Variants in DLC1 observed in about 807,000 individuals in gnomAD.
DLC1 encodes the protein DLC1 Rho GTPase activating protein.
In DLC1, 54 loss-of-function variants were observed where a neutral mutation model predicts 140.3. The observed-to-expected ratio is 0.38, with a 90% confidence interval of 0.31 to 0.48. DLC1 has a LOEUF of 0.48. Among genes scored for constraint, DLC1 ranks in the 20% least tolerant of loss-of-function variants. The pLI is 0.96. For synonymous variants in DLC1, 986 were observed against 728.1 expected (o/e 1.35, Z -5.70); for missense variants, 2,536 against 1,907.0 (o/e 1.33, Z -6.14).
chr8:13,144,663 G>A (rs1823285497), intron 5 of DLC1, among the ~76,000 whole-genome samples: 2 of 152,158 alleles, frequency 1.3e-5, no homozygotes. Context: ...TACTCGGGAG[G>A]CTGAGGCAGG....
chr8:13,175,341 C>G (rs28716996), intron 5 of DLC1, among the ~76,000 whole-genome samples: 3,743 of 135,800 alleles, frequency 0.028, 175 homozygotes, highest in African/African-American at 0.097. Context: ...TTTTGCTATT[C>G]AGGCTCGTTT....
Position 13,448,830 on chromosome 8 carries a change from T to C in DLC1, c.1024-47211A>G, listed in dbSNP as rs537052535. On this transcript the variant is annotated intron_variant, in intron 2 of 17. Transcript: ENST00000276297. ...CATTTCTAATATACGGCCACAAATG[T>C]GTTATACACTAGCAGATTTCACAGA... Among the ~76,000 whole-genome samples the C allele has an allele frequency of 2.3e-3, 352 of 151,544 alleles. 3 individuals carry two copies. The highest frequency in any genetic ancestry group is 8.2e-3 in the African/African-American group (340 of 41,514).
At chr8:13,394,380 C>G (rs543983394) in intron 3 of DLC1, among the ~76,000 whole-genome samples, 20 of 152,106 alleles carry the variant, frequency 1.3e-4, no homozygotes, top group Admixed American at 3.3e-4. Context: ...GCTAGCTACT[C>G]CAATAAATAT....
At chr8:13,538,850 C>A (rs1803388065) in intron 1 of DLC1, among the ~76,000 whole-genome samples, 1 of 152,208 alleles carries the variant, frequency 6.6e-6, no homozygotes, top group African/African-American at 2.4e-5. Flanking sequence ...ATAGTCCTCT[C>A]TACTATCCCA....
rs192599492 is a variant in DLC1 at position 13,278,341 on chromosome 8, G to C, written c.1348+26928C>G. 2.1e-4 allele frequency among the ~76,000 whole-genome samples: 32 copies of C among 152,286 alleles called. No individual in the cohort carries two copies. In the East Asian group the frequency reaches 5.2e-3, roughly 25 times the overall value. ...GTGTTTCTCCTTCAAAGAGGTCTGG[G>C]CACCTTGAAGCGTGTTGAATCATGT... On this transcript the variant is annotated intron_variant, in intron 5 of 17. Coordinates refer to ENST00000276297, the MANE Select transcript of DLC1 (RefSeq NM_182643.3).
At chr8:13,603,348 T>A (rs1434409976) in intron 1 of DLC1, among the ~76,000 whole-genome samples, 3 of 151,680 alleles carry the variant, frequency 2.0e-5, no homozygotes, top group African/African-American at 7.3e-5. Context: ...TACACACAAT[T>A]CACTGATATA....
rs986517731 is a variant in DLC1, at chr8:13,562,271, A to G, written c.-126+42266T>C. Among the ~76,000 whole-genome samples, 5 of 152,192 alleles carry G rather than the reference A, an allele frequency of 3.3e-5. No homozygotes were observed. The East Asian group carries it at 7.7e-4, about 23-fold the overall frequency. On this transcript the variant is annotated intron_variant, in intron 1 of 1. Coordinates refer to the DLC1 transcript ENST00000631382. ...AAATCAAACTTTTACATGGCAAAAC[A>G]CAGCATAGACAAATAGACAAACTGA... is the stretch of plus-strand genomic sequence containing the variant.
intron 1 of DLC1, among the ~76,000 whole-genome samples, chr8:13,584,949 C>T (rs1469696681): frequency 1.3e-5 from 2 of 152,114 alleles, no homozygotes; most frequent in Non-Finnish European, 2.9e-5. Flanking sequence ...CCCATTTTAG[C>T]TTCTGCATTT....
chr8:13,220,971 C>T (rs907178798), intron 5 of DLC1, among the ~76,000 whole-genome samples: 3 of 152,116 alleles, frequency 2.0e-5, no homozygotes, highest in Non-Finnish European at 4.4e-5. Flanking sequence ...TGCAGCCCCA[C>T]GTATGAGGGT....
At chr8:13,247,542 G>C (rs574105640) in intron 5 of DLC1, among the ~76,000 whole-genome samples, 15 of 152,208 alleles carry the variant, frequency 9.9e-5, no homozygotes, top group African/African-American at 2.6e-4. Context: ...GGACACCAAA[G>C]CCCAGAGAGG....
intron 2 of DLC1, among the ~76,000 whole-genome samples, chr8:13,412,688 C>T (rs1189526280): frequency 6.6e-6 from 1 of 151,972 alleles, no homozygotes; most frequent in Non-Finnish European, 1.5e-5. Context: ...AATCCCAGCA[C>T]TTTGGGAGGC....
chr8:13,588,464 A>G (rs1805406462), intron 1 of DLC1, among the ~76,000 whole-genome samples: 1 of 152,172 alleles, frequency 6.6e-6, no homozygotes, highest in African/African-American at 2.4e-5. Flanking sequence ...CTTAGGAGGC[A>G]GCAGAATATT....
intron 2 of DLC1, among the ~76,000 whole-genome samples, chr8:13,475,358 G>T (rs1171419053): frequency 6.6e-6 from 1 of 151,986 alleles, no homozygotes; most frequent in Non-Finnish European, 1.5e-5. Flanking sequence ...TTCCATTCTG[G>T]TTCAAAAGGA....
At chr8:13,452,828 G>A (rs910210458) in intron 2 of DLC1, among the ~76,000 whole-genome samples, 1 of 152,134 alleles carries the variant, frequency 6.6e-6, no homozygotes, top group African/African-American at 2.4e-5. Flanking sequence ...CTTTCCACGA[G>A]GGGATACTCT....
chr8:13,124,848 T>C (rs913783068), intron 5 of DLC1, among the ~76,000 whole-genome samples: 1 of 152,226 alleles, frequency 6.6e-6, no homozygotes, highest in Non-Finnish European at 1.5e-5. Context: ...ATCAATTACA[T>C]GGAAACATTC....
chr8:13,333,645 T>C (rs1833695625), intron 4 of DLC1, among the ~76,000 whole-genome samples: 1 of 152,196 alleles, frequency 6.6e-6, no homozygotes, highest in South Asian at 2.1e-4. Flanking sequence ...CTACCCTTCA[T>C]GTGTTCTCAC....
chr8:13,112,228 G>A (rs950698230), intron 6 of DLC1, among the ~76,000 whole-genome samples: 2 of 152,222 alleles, frequency 1.3e-5, no homozygotes, highest in Non-Finnish European at 2.9e-5. Context: ...AGACATGGCT[G>A]TCAGCAGTTT....
chr8:13,306,124 G>T (rs75231381), intron 4 of DLC1, among the ~76,000 whole-genome samples: 7 of 152,080 alleles, frequency 4.6e-5, no homozygotes, highest in African/African-American at 1.7e-4. Flanking sequence ...TCTATAAAGC[G>T]TACCAGATCT....
chr8:13,423,809 G>A (rs967773815), intron 2 of DLC1, among the ~76,000 whole-genome samples: 4 of 152,036 alleles, frequency 2.6e-5, no homozygotes, highest in Non-Finnish European at 5.9e-5. Flanking sequence ...CAAAATCCGT[G>A]TTCTTCTCTT....
Sources: gnomAD v4.1 joint callset for allele counts (sites outside exome capture counted in the v4.1 genomes callset) on GRCh38, gnomAD v4.1.1 for gene constraint, MANE v1.5 for transcripts, NCBI Gene and HGNC (gene_info 2026-07-23, HGNC 2026-07-21) for gene names.